Variants in USP14 observed in about 807,000 individuals in gnomAD.
The protein encoded by USP14 is ubiquitin carboxyl-terminal hydrolase 14.
Under a neutral mutation model 76.5 loss-of-function variants are expected in USP14, and 38 were observed. The ratio of observed to expected loss-of-function variants is 0.50; its 90% CI spans 0.38 to 0.65. USP14 has a LOEUF of 0.65. Ranked by LOEUF, USP14 falls within the 30% of genes least tolerant of loss-of-function variation. The pLI is 0.00. For missense variants in USP14, 467 were observed against 586.5 expected (o/e 0.80, Z 2.10); for synonymous variants, 192 against 191.7 (o/e 1.00, Z -0.01).
At chr18:198,574 T>C (rs368895827) in intron 9 of USP14, among the ~76,000 whole-genome samples, 2 of 152,282 alleles carry the variant, frequency 1.3e-5, no homozygotes, top group East Asian at 3.9e-4. Context: ...TTTGGAAAAA[T>C]ATACCTATTG....
intron 13 of USP14, among the ~76,000 whole-genome samples, chr18:205,127 A>G (rs1469867249): frequency 6.6e-6 from 1 of 151,958 alleles, no homozygotes; most frequent in Non-Finnish European, 1.5e-5. Context: ...CTGCCCACCT[A>G]GGCCTCCCAG....
At chr18:192,932 G>A (rs754087613) in intron 6 of USP14, 32 bp downstream of exon 6, 23 of 1,560,370 alleles carry the variant, frequency 1.5e-5, no homozygotes, top group Non-Finnish European at 1.8e-5. Flanking sequence ...CTTTTTGATA[G>A]GAGTAAGACA....
At chr18:195,032 AAG>A (rs1300819245) in intron 6 of USP14, among the ~76,000 whole-genome samples, 1 of 152,092 alleles carries the variant, frequency 6.6e-6, no homozygotes, top group Non-Finnish European at 1.5e-5. Flanking sequence ...TCCATTAAAA[AAG>A]TTTTTTTTTT....
At chr18:198,228 A>C in intron 9 of USP14, 96 bp downstream of exon 9, 1 of 1,116,368 alleles carries the variant, frequency 9.0e-7, no homozygotes, top group Non-Finnish European at 1.2e-6. Flanking sequence ...GGGTAGAAGA[A>C]AAATTCTTCA....
intron 10 of USP14, among the ~76,000 whole-genome samples, chr18:202,228 T>G (rs1405244424): frequency 6.6e-6 from 1 of 152,228 alleles, no homozygotes; most frequent in Non-Finnish European, 1.5e-5. Context: ...TTTCTACATG[T>G]ACTGACTGTA....
At chr18:195,598 T>A (rs1910209455) in intron 6 of USP14, among the ~76,000 whole-genome samples, 1 of 151,890 alleles carries the variant, frequency 6.6e-6, no homozygotes, top group Non-Finnish European at 1.5e-5. Flanking sequence ...CTGAGAGGGG[T>A]AAGTGGAAAG....
intron 10 of USP14, among the ~76,000 whole-genome samples, chr18:200,309 T>C (rs959789301): frequency 6.6e-6 from 1 of 152,212 alleles, no homozygotes; most frequent in Non-Finnish European, 1.5e-5. Context: ...GTTTGTGCTC[T>C]TAACCATTAA....
In USP14 at chr18:210,442, G is replaced by A. The variant is rs772163773; in HGVS notation, c.1282G>A (p.Gly428Arg). The change falls in exon 15 of 16, where the codon GGA becomes AGA. Residue 428 changes from glycine (G) to arginine (R), a missense_variant. Gly to Arg is a moderately radical substitution (Grantham distance 125). Transcript: ENST00000261601. ...YDLQAVLTHQ[G>R]RSSSSGHYVS... ...CTTACAAGCAGTACTAACACACCAG[G>A]GAAGGTCTAGTTCTTCAGGTCATTA... 1 of 1,612,202 alleles carries A rather than the reference G, an allele frequency of 6.2e-7. No individual in the cohort carries two copies. The highest frequency in any genetic ancestry group is 8.5e-7 in the Non-Finnish European group (1 of 1,179,012).
Position 198,122 on chromosome 18 carries a change from T to G in USP14, c.751T>G (p.Phe251Val). Residue 251 changes from phenylalanine to valine, a missense_variant, in exon 9 of 16, where the codon TTT (phenylalanine) becomes GTT (valine). Phe to Val is a conservative substitution (Grantham distance 50). Coordinates refer to ENST00000261601, the MANE Select transcript of USP14 (RefSeq NM_005151.4). ...AATCGATCAGTTCTTCGGTGTTGAG[T>G]TTGAAACTACGTATCCTTATGAGCC... ...SLIDQFFGVE[F>V]ETTMKCTESE... The G allele has an allele frequency of 6.2e-7, 1 of 1,606,646 alleles. No homozygotes were observed. The highest frequency in any genetic ancestry group is 1.1e-5 in the South Asian group (1 of 89,688).
At chr18:187,306 G>A (rs1217409743) in intron 5 of USP14, among the ~76,000 whole-genome samples, 1 of 151,956 alleles carries the variant, frequency 6.6e-6, no homozygotes, top group Non-Finnish European at 1.5e-5. Flanking sequence ...TCTGATTTTC[G>A]ATATGTGTTT....
rs1415251930 is a variant in USP14, at chr18:158,665, T to C, written c.-34T>C. 2 of 1,518,776 alleles carry C rather than the reference T, an allele frequency of 1.3e-6. No individual in the cohort carries two copies. Among genetic ancestry groups the C allele is most frequent in the Non-Finnish European group, 1.8e-6 (2 of 1,141,044 alleles). 94.1% of individuals were successfully genotyped at this position (1,518,776 alleles called of 1,614,324 possible). Reference sequence around the variant, plus strand: ...CTTTGCCGCCCTCGTCAGGCCCAGCTCTCCTGCGCCGCCGCCTCCCGCCGC... The same window carrying C: ...CTTTGCCGCCCTCGTCAGGCCCAGCCCTCCTGCGCCGCCGCCTCCCGCCGC... On this transcript the variant is annotated 5_prime_UTR_variant, in exon 1 of 16. Coordinates refer to ENST00000261601, the MANE Select transcript of USP14 (RefSeq NM_005151.4).
At chr18:180,392 A>G in intron 5 of USP14, 53 bp downstream of exon 5, 3 of 1,121,778 alleles carry the variant, frequency 2.7e-6, no homozygotes, top group Non-Finnish European at 3.9e-6. Context: ...GATGAGTAGT[A>G]TTGTTTTGTT....
chr18:162,142 T>C (rs1418146926), intron 1 of USP14, among the ~76,000 whole-genome samples: 1 of 152,230 alleles, frequency 6.6e-6, no homozygotes, highest in Non-Finnish European at 1.5e-5. Flanking sequence ...CATTAATTGG[T>C]TGATGGACAC....
In USP14 at chr18:192,996, A is replaced by G. The variant is rs574486820; in HGVS notation, c.463+96A>G. 3.4e-5 allele frequency: 33 copies of G among 983,494 alleles called. No individual in the cohort carries two copies. The South Asian group carries it at 3.8e-4, about 11-fold the overall frequency. The allele number at this position is 983,494 out of a possible 1,614,324, so 60.9% of individuals were successfully genotyped here. A position where few individuals can be genotyped will look rare whatever the true frequency, so the allele number is the denominator to read the frequency against. ...GTTTACAGAATGTCTTTTGTAAAAC[A>G]TCACCTCATTAAGCCTGGAGTGTAC... On this transcript the variant is annotated intron_variant, in intron 6 of 15. Coordinates refer to ENST00000261601, the MANE Select transcript of USP14 (RefSeq NM_005151.4).
At position 214,563 on chromosome 18, in the gene USP14, T is replaced by C; in HGVS notation, c.*3279T>C. ...TTGTTTACCAAAACCAGTGGACCTCTTATCAAATGCTGCTTGGTAACAAAA... is the reference window on the plus strand; with the variant it reads ...TTGTTTACCAAAACCAGTGGACCTCCTATCAAATGCTGCTTGGTAACAAAA... On this transcript the variant is annotated 3_prime_UTR_variant, in exon 16 of 16. Coordinates refer to ENST00000261601, the MANE Select transcript of USP14 (RefSeq NM_005151.4). The C allele has an allele frequency of 7.3e-7, 1 of 1,378,566 alleles. No homozygotes were observed. Among genetic ancestry groups the C allele is most frequent in the Non-Finnish European group, 1.0e-6 (1 of 1,000,722 alleles). The allele number at this position is 1,378,566 out of a possible 1,614,324, so 85.4% of individuals were successfully genotyped here.
chr18:166,577 C>G (rs1909277638), intron 2 of USP14, among the ~76,000 whole-genome samples: 1 of 152,148 alleles, frequency 6.6e-6, no homozygotes, highest in African/African-American at 2.4e-5. Flanking sequence ...AGGTGATTTG[C>G]CTGCCTCAGC....
In USP14 at chr18:209,980, A is replaced by G; in HGVS notation, c.1174A>G (p.Lys392Glu). 6.2e-7 allele frequency: 1 copy of G among 1,601,682 alleles called. No homozygotes were observed. The highest frequency in any genetic ancestry group is 8.5e-7 in the Non-Finnish European group (1 of 1,176,092). ...VNQQPNTSDKKSSPQKEVKYE... is the reference protein window; with the variant it reads ...VNQQPNTSDKESSPQKEVKYE... Reference sequence around the variant, plus strand: ...ATTTTTTTCTCCTCAGAGTGACAAAAAGAGTAGTCCCCAGAAAGAAGTTAA... The same window carrying G: ...ATTTTTTTCTCCTCAGAGTGACAAAGAGAGTAGTCCCCAGAAAGAAGTTAA... The change falls in exon 14 of 16, where the codon AAG becomes GAG. Residue 392 changes from lysine to glutamate, a missense_variant. Transcript: ENST00000261601.
At chr18:210,540 C>G in intron 15 of USP14, 47 bp downstream of exon 15, 1 of 1,362,816 alleles carries the variant, frequency 7.3e-7, no homozygotes, top group African/African-American at 1.5e-5. Context: ...TTTAACAGTT[C>G]ATTTATTATA....
intron 5 of USP14, among the ~76,000 whole-genome samples, chr18:183,006 T>A (rs1909827344): frequency 6.6e-6 from 1 of 152,218 alleles, no homozygotes; most frequent in Admixed American, 6.5e-5. Context: ...ACATTCAAAT[T>A]ATCCTCTGAA....
Sources: allele counts gnomAD v4.1 joint callset (sites outside exome capture counted in the v4.1 genomes callset), GRCh38; gene constraint gnomAD v4.1.1; transcripts MANE v1.5; gene names NCBI Gene and HGNC (gene_info 2026-07-23, HGNC 2026-07-21).